The following TENM1 variants were observed in gnomAD, a reference collection of about 807,000 sequenced individuals.
The protein encoded by TENM1 is teneurin transmembrane protein 1, also known as teneurin-1.
A neutral mutation model predicts 174.8 loss-of-function variants in TENM1; 35 were observed. That is an observed-to-expected ratio of 0.20 (90% CI 0.15 to 0.27). The LOEUF is 0.27. Ranked by LOEUF, TENM1 falls within the 10% of genes least tolerant of loss-of-function variation. The pLI is 1.00. For synonymous variants in TENM1, 781 were observed against 798.7 expected, an observed-to-expected ratio of 0.98 and a Z score of 0.37; for missense variants, 1,633 against 2,130.1, an observed-to-expected ratio of 0.77 and a Z score of 4.59.
chrX:124,946,563 C>T (rs987635495), intron 1 of TENM1, among the ~76,000 whole-genome samples: 3 of 110,888 alleles, frequency 2.7e-5, no homozygotes, highest in African/African-American at 9.8e-5. Flanking sequence ...TAAGAGGAGG[C>T]TCAGAATATG....
intron 11 of TENM1, among the ~76,000 whole-genome samples, chrX:124,639,547 A>C (rs1164251652): frequency 9.0e-6 from 1 of 111,569 alleles, no homozygotes; most frequent in Non-Finnish European, 1.9e-5. Flanking sequence ...AGTGCAGTAT[A>C]GTGGTGAAAT....
chrX:125,161,039 TAAAAA>T, the TENM1 span, among the ~76,000 whole-genome samples: 18 of 53,444 alleles, frequency 3.4e-4, no homozygotes, highest in Non-Finnish European at 5.8e-4. Context: ...GGCCAAAAAG[TAAAAA>T]AAAAAAAAAA....
At chrX:125,177,694 A>G in the TENM1 span, among the ~76,000 whole-genome samples, 3 of 111,716 alleles carry the variant, frequency 2.7e-5, no homozygotes, top group African/African-American at 9.7e-5. Context: ...CAAGTTAGCA[A>G]TATCATGGGG....
chrX:124,537,497 C>T (rs990040923), intron 15 of TENM1, among the ~76,000 whole-genome samples: 14 of 110,883 alleles, frequency 1.3e-4, no homozygotes, highest in African/African-American at 4.6e-4. Context: ...CTTGACCTGG[C>T]CCCCAAAGAG....
At chrX:124,710,224 C>A (rs1186571473) in intron 4 of TENM1, among the ~76,000 whole-genome samples, 1 of 110,676 alleles carries the variant, frequency 9.0e-6, no homozygotes, top group East Asian at 2.8e-4. Context: ...GCCTCCCTAC[C>A]TCCCCACTCC....
chrX:124,555,280 C>A (rs948132043), intron 14 of TENM1, among the ~76,000 whole-genome samples: 1 of 111,698 alleles, frequency 9.0e-6, no homozygotes. Context: ...CTGTCTGGAA[C>A]GTTTTTCCCC....
intron 1 of TENM1, among the ~76,000 whole-genome samples, chrX:124,957,601 T>A (rs866293900): frequency 0.11 from 8,420 of 77,783 alleles, 971 homozygotes; most frequent in African/African-American, 0.34. Flanking sequence ...AAAAAAAAAA[T>A]GGCAGTTTAA....
At chrX:124,605,542 T>A in intron 11 of TENM1, among the ~76,000 whole-genome samples, 1 of 110,788 alleles carries the variant, frequency 9.0e-6, no homozygotes, top group Admixed American at 9.6e-5. Context: ...CAAATACCCT[T>A]CTGGTTTTGC....
At chrX:124,965,374 C>T (rs1462871613), upstream of TENM1, among the ~76,000 whole-genome samples, 2 of 111,673 alleles carry the variant, frequency 1.8e-5, no homozygotes, top group African/African-American at 3.3e-5. Flanking sequence ...GCACCACGCC[C>T]GGCCTATGTA....
chrX:124,711,939 A>G (rs1372666326), intron 4 of TENM1, among the ~76,000 whole-genome samples: 1 of 112,067 alleles, frequency 8.9e-6, no homozygotes, highest in East Asian at 2.8e-4. Flanking sequence ...AAGGGGAATC[A>G]TACAGTATTT....
intron 4 of TENM1, among the ~76,000 whole-genome samples, chrX:124,708,382 G>A (rs183073103): frequency 9.0e-6 from 1 of 111,161 alleles, no homozygotes; most frequent in Admixed American, 9.6e-5. Context: ...TCTTTCTGGA[G>A]GGCAATTTGG....
chrX:124,806,841 A>G (rs1471441493), intron 3 of TENM1, among the ~76,000 whole-genome samples: 1 of 111,314 alleles, frequency 9.0e-6, no homozygotes, highest in Non-Finnish European at 1.9e-5. Flanking sequence ...TGAGAGCAGG[A>G]GCAAGGGTGG....
intron 27 of TENM1, among the ~76,000 whole-genome samples, chrX:124,399,570 A>G (rs1339351092): frequency 8.9e-6 from 1 of 112,558 alleles, no homozygotes; most frequent in East Asian, 2.8e-4. Context: ...TACAACAGAT[A>G]TTTAAAATTT....
the TENM1 span, among the ~76,000 whole-genome samples, chrX:125,105,294 T>C: frequency 1.8e-5 from 2 of 111,412 alleles, no homozygotes; most frequent in Non-Finnish European, 3.8e-5. Context: ...CGCAAAGCCT[T>C]GGACCAAGCT....
intron 11 of TENM1, among the ~76,000 whole-genome samples, chrX:124,579,757 A>G (rs1173794824): frequency 8.9e-6 from 1 of 112,128 alleles, no homozygotes; most frequent in Non-Finnish European, 1.9e-5. Context: ...TATTTCATGA[A>G]TTGATTTAAC....
chrX:124,893,972 G>A (rs768350472), intron 3 of TENM1, among the ~76,000 whole-genome samples: 1 of 111,329 alleles, frequency 9.0e-6, no homozygotes, highest in East Asian at 2.8e-4. Context: ...TGGTAGATTT[G>A]TAGAAAGTCA....
chrX:125,113,937 C>T, the TENM1 span, among the ~76,000 whole-genome samples: 6 of 111,361 alleles, frequency 5.4e-5, no homozygotes, highest in African/African-American at 9.8e-5. Flanking sequence ...GAACTCTCCA[C>T]CCCAAATCAA....
At chrX:125,005,126 C>A in the TENM1 span, among the ~76,000 whole-genome samples, 9 of 106,901 alleles carry the variant, frequency 8.4e-5, no homozygotes, top group Non-Finnish European at 1.7e-4. Context: ...GAAATTAGAC[C>A]AGCATTATCA....
chrX:125,086,495 T>C, the TENM1 span, among the ~76,000 whole-genome samples: 1 of 111,182 alleles, frequency 9.0e-6, no homozygotes, highest in Non-Finnish European at 1.9e-5. Context: ...ACTTTATGTT[T>C]CTCGAAAAAA....
Sources: gnomAD v4.1 joint callset for allele counts (sites outside exome capture counted in the v4.1 genomes callset) on GRCh38, gnomAD v4.1.1 for gene constraint, MANE v1.5 for transcripts, NCBI Gene and HGNC (gene_info 2026-07-23, HGNC 2026-07-21) for gene names.